Variants in CLEC19A observed in about 807,000 individuals in gnomAD.
The protein encoded by CLEC19A is C-type lectin domain containing 19A.
Under a neutral mutation model 26.1 loss-of-function variants are expected in CLEC19A, and 21 were observed. The ratio of observed to expected loss-of-function variants is 0.80; its 90% confidence interval spans 0.57 to 1.16. CLEC19A has a LOEUF of 1.16. CLEC19A is among the 50% of genes most tolerant of loss of function. The pLI is 0.00. For synonymous variants in CLEC19A, 89 were observed against 88.6 expected (o/e 1.00, Z -0.03); for missense variants, 224 against 227.6 (o/e 0.98, Z 0.10).
intron 1 of CLEC19A, among the ~76,000 whole-genome samples, chr16:19,295,117 T>C (rs972679185): frequency 1.3e-5 from 2 of 152,060 alleles, no homozygotes; most frequent in Non-Finnish European, 2.9e-5. Context: ...GGCGATAAAA[T>C]TCCCCCTCAC....
chr16:19,302,830 A>G (rs143443568), intron 2 of CLEC19A, among the ~76,000 whole-genome samples: 21 of 152,274 alleles, frequency 1.4e-4, no homozygotes, highest in African/African-American at 5.1e-4. Context: ...CAGCAGTTCC[A>G]AGTTTTGCGT....
Position 19,300,225 on chromosome 16 carries a change from A to AAAATAAAT in CLEC19A, c.254+1406_254+1413dup, listed in dbSNP as rs35246353. ...GGTGATAGAGTGAGATTCTGTCTCA[A>AAAATAAAT]AAATAAATAAATAAATAAATAAATA... On this transcript the variant is annotated intron_variant, in intron 2 of 4. Transcript: ENST00000636231. Among the ~76,000 whole-genome samples, 180 of 151,006 alleles carry AAAATAAAT rather than the reference A, an allele frequency of 1.2e-3. 2 individuals carry two copies. Among genetic ancestry groups the AAAATAAAT allele is most frequent in the South Asian group, 2.7e-3 (13 of 4,764 alleles).
chr16:19,301,766 T>TTTA lies in CLEC19A; in HGVS notation c.255-2296_255-2295insTTA, dbSNP rs1291095115. On this transcript the variant is annotated intron_variant, in intron 2 of 4. Coordinates refer to ENST00000636231, the MANE Select transcript of CLEC19A (RefSeq NM_001256720.2). The stretch of plus-strand genomic sequence containing the variant: ...TTTTTTTTTTTTTTTTTTTTTTTTG[T>TTTA]ATTTTTAGCAGAGACGGAGTTTCAC... Among the ~76,000 whole-genome samples the TTTA allele has an allele frequency of 1.3e-4, 15 of 116,090 alleles. 1 individual carries two copies. The highest frequency in any genetic ancestry group is 1.8e-4 in the Admixed American group (2 of 11,188). The allele number at this position is 116,090 out of a possible 152,430, so 76.2% of individuals were successfully genotyped here. A position where few individuals can be genotyped will look rare whatever the true frequency, so the allele number is the denominator to read the frequency against.
chr16:19,307,288 G>A (rs1004621440), intron 3 of CLEC19A, among the ~76,000 whole-genome samples: 14 of 152,292 alleles, frequency 9.2e-5, no homozygotes, highest in South Asian at 2.1e-4. Flanking sequence ...CTGCTTTTCA[G>A]AATGGTGAGG....
rs112766519 is a variant in CLEC19A at position 19,309,165 on chromosome 16, T to A, written c.*82T>A. 3.4e-5 allele frequency: 34 copies of A among 999,034 alleles called. No individual in the cohort carries two copies. Among genetic ancestry groups the A allele is most frequent in the Non-Finnish European group, 4.7e-5 (31 of 653,934 alleles). 61.9% of individuals were successfully genotyped at this position (999,034 alleles called of 1,614,324 possible). On this transcript the variant is annotated 3_prime_UTR_variant, in exon 5 of 5. Transcript: ENST00000636231. The stretch of plus-strand genomic sequence containing the variant: ...CAGTGTAGAATTGACATTGAATACA[T>A]GTAAAACATACATAGGAAGTAAATC...
chr16:19,294,339 A>G (rs2143009232), intron 1 of CLEC19A, among the ~76,000 whole-genome samples: 1 of 152,260 alleles, frequency 6.6e-6, no homozygotes, highest in South Asian at 2.1e-4. Context: ...GGGGCCAGAA[A>G]CCAAGATAGA....
At chr16:19,291,120 G>A (rs934967378) in intron 1 of CLEC19A, among the ~76,000 whole-genome samples, 1 of 152,174 alleles carries the variant, frequency 6.6e-6, no homozygotes, top group Non-Finnish European at 1.5e-5. Context: ...GGGATTACAG[G>A]CATGAGCCAC....
intron 2 of CLEC19A, among the ~76,000 whole-genome samples, chr16:19,300,282 C>T (rs1014771214): frequency 6.6e-6 from 1 of 151,834 alleles, no homozygotes; most frequent in Non-Finnish European, 1.5e-5. Flanking sequence ...GGTGCAGTGT[C>T]TCATGCCTGT....
chr16:19,294,248 G>A (rs902587119), intron 1 of CLEC19A, among the ~76,000 whole-genome samples: 3 of 152,162 alleles, frequency 2.0e-5, no homozygotes, highest in African/African-American at 4.8e-5. Flanking sequence ...CACTACCGCC[G>A]TGCAGAAAGG....
chr16:19,298,582 G>T lies in CLEC19A; in HGVS notation c.89-91G>T, dbSNP rs1368512252. 7 of 1,340,180 alleles carry T rather than the reference G, an allele frequency of 5.2e-6. No homozygotes were observed. The East Asian group carries it at 7.5e-5, about 14-fold the overall frequency. 83.0% of individuals were successfully genotyped at this position (1,340,180 alleles called of 1,614,324 possible). On this transcript the variant is annotated intron_variant, in intron 1 of 4. Coordinates refer to ENST00000636231, the MANE Select transcript of CLEC19A (RefSeq NM_001256720.2). Reference sequence around the variant, plus strand: ...CCCTGTCTCTTAAAAAAAATTAAAAGATTGTAAAGAAAAGAAAATAGGTTC... The same window carrying T: ...CCCTGTCTCTTAAAAAAAATTAAAATATTGTAAAGAAAAGAAAATAGGTTC...
chr16:19,303,962 T>C, intron 2 of CLEC19A, 100 bp from the exon 3 acceptor site: 1 of 945,036 alleles, frequency 1.1e-6, no homozygotes, highest in South Asian at 1.6e-5. Context: ...CTCTATTTAC[T>C]TTGGTCCAGG....
intron 1 of CLEC19A, among the ~76,000 whole-genome samples, chr16:19,288,917 A>G (rs1435364655): frequency 6.6e-6 from 1 of 152,114 alleles, no homozygotes; most frequent in African/African-American, 2.4e-5. Flanking sequence ...CCCATCCAAG[A>G]GCCTGGCATT....
intron 1 of CLEC19A, among the ~76,000 whole-genome samples, chr16:19,292,248 C>T (rs1019474163): frequency 6.6e-6 from 1 of 152,158 alleles, no homozygotes; most frequent in African/African-American, 2.4e-5. Flanking sequence ...ACAAGAATCA[C>T]CTGGGGCTCT....
At chr16:19,298,928 T>G in intron 2 of CLEC19A, 90 bp downstream of exon 2, 1 of 1,355,180 alleles carries the variant, frequency 7.4e-7, no homozygotes, top group Non-Finnish European at 9.9e-7. Flanking sequence ...GCATTTCTCT[T>G]TGGTAATTGA....
At chr16:19,305,697 A>C (rs1897937222) in intron 3 of CLEC19A, among the ~76,000 whole-genome samples, 1 of 152,196 alleles carries the variant, frequency 6.6e-6, no homozygotes, top group Non-Finnish European at 1.5e-5. Context: ...TGAAAAGAAA[A>C]ATAAGTGAGC....
intron 1 of CLEC19A, among the ~76,000 whole-genome samples, chr16:19,296,126 T>C (rs867264155): frequency 2.6e-5 from 4 of 152,272 alleles, no homozygotes; most frequent in African/African-American, 7.2e-5. Flanking sequence ...CTGGCATGCA[T>C]TGAAAGAGAG....
intron 2 of CLEC19A, among the ~76,000 whole-genome samples, chr16:19,301,715 C>T (rs1191485152): frequency 7.1e-6 from 1 of 141,406 alleles, no homozygotes; most frequent in East Asian, 2.0e-4. Flanking sequence ...AGGCGCATGA[C>T]ACCATGCCCA....
At chr16:19,302,942 G>A (rs1044543085) in intron 2 of CLEC19A, among the ~76,000 whole-genome samples, 2 of 152,162 alleles carry the variant, frequency 1.3e-5, no homozygotes, top group African/African-American at 2.4e-5. Context: ...TTTCCAAGAT[G>A]TCCCCACAAA....
chr16:19,308,269 G>A (rs1306306905), intron 4 of CLEC19A, among the ~76,000 whole-genome samples: 1 of 152,218 alleles, frequency 6.6e-6, no homozygotes, highest in East Asian at 1.9e-4. Flanking sequence ...TAGCACCGTG[G>A]CAAGAGCATG....
Sources: gnomAD v4.1 joint callset for allele counts (sites outside exome capture counted in the v4.1 genomes callset) on GRCh38, gnomAD v4.1.1 for gene constraint, MANE v1.5 for transcripts, NCBI Gene and HGNC (gene_info 2026-07-23, HGNC 2026-07-21) for gene names.